Variants in TMEM255B observed in about 807,000 individuals in gnomAD.
The protein encoded by TMEM255B is transmembrane protein 255B.
TMEM255B carries 35 observed loss-of-function variants against 34.5 expected under a neutral mutation model. The ratio of observed to expected loss-of-function variants is 1.01; its 90% CI spans 0.77 to 1.34. The LOEUF (loss-of-function observed/expected upper bound fraction) is 1.34, where lower values mean the gene tolerates loss of function less well. TMEM255B is among the 40% of genes most tolerant of loss of function. The pLI, the probability that TMEM255B is intolerant of heterozygous loss-of-function variation, is 0.00. For missense variants in TMEM255B, 432 were observed against 433.2 expected, an observed-to-expected ratio of 1.00 and a Z score of 0.02; for synonymous variants, 206 against 201.2, an observed-to-expected ratio of 1.02 and a Z score of -0.20.
At position 113,794,051 on chromosome 13, in the gene TMEM255B, G is replaced by A. The variant is rs866933628; in HGVS notation, c.253-1097G>A. On this transcript the variant is annotated intron_variant, in intron 3 of 8. Coordinates refer to ENST00000375353, the MANE Select transcript of TMEM255B (RefSeq NM_182614.4). ...GGCTTCTCTTTGGGTTGCGGGTGAC[G>A]ATAGGTGTGCAGCCTGGGGCAGAGA... is the stretch of plus-strand genomic sequence containing the variant. Among the ~76,000 whole-genome samples the A allele has an allele frequency of 2.6e-5, 4 of 152,348 alleles. No individual in the cohort carries two copies. In the East Asian group the frequency reaches 7.7e-4, roughly 29 times the overall value.
At chr13:113,761,860 A>G (rs552408451) in intron 1 of TMEM255B, among the ~76,000 whole-genome samples, 6 of 152,250 alleles carry the variant, frequency 3.9e-5, no homozygotes, top group African/African-American at 1.4e-4. Context: ...AGCCCCGGGA[A>G]CCGGCGACAA....
chr13:113,773,641 C>T (rs944671974), intron 3 of TMEM255B, among the ~76,000 whole-genome samples: 9 of 152,232 alleles, frequency 5.9e-5, no homozygotes, highest in African/African-American at 2.2e-4. Context: ...AGGCATTCTT[C>T]TGGGCTGATG....
rs186303552 is a variant in TMEM255B at position 113,769,389 on chromosome 13, A to C, written c.252+229A>C. Among the ~76,000 whole-genome samples the C allele has an allele frequency of 6.6e-6, 1 of 152,164 alleles. No homozygotes were observed. The highest frequency in any genetic ancestry group is 1.5e-5 in the Non-Finnish European group (1 of 68,032). On this transcript the variant is annotated intron_variant, in intron 3 of 8. Coordinates refer to ENST00000375353, the MANE Select transcript of TMEM255B (RefSeq NM_182614.4). This position sits in a 1 kb window ranked among gnomAD's most constrained non-coding sequence, Gnocchi z 4.2. ...ATGGCCCTGGGTTGCTGGTGTATCA[A>C]CCTCACGTGGTGTGCAACCACCAAT... is the stretch of plus-strand genomic sequence containing the variant.
intron 1 of TMEM255B, among the ~76,000 whole-genome samples, chr13:113,761,010 G>A (rs757289597): frequency 6.6e-6 from 1 of 152,054 alleles, no homozygotes; most frequent in Non-Finnish European, 1.5e-5. Flanking sequence ...GGGGTACCTG[G>A]GGGTAGGATT....
In TMEM255B at chr13:113,759,274, A is replaced by C; in HGVS notation, c.5A>C (p.Gln2Pro). 8.1e-7 allele frequency: 1 copy of C among 1,228,670 alleles called. No homozygotes were observed. Among genetic ancestry groups the C allele is most frequent in the Non-Finnish European group, 1.0e-6 (1 of 986,008 alleles). 76.1% of individuals were successfully genotyped at this position (1,228,670 alleles called of 1,614,324 possible). A position where few individuals can be genotyped will look rare whatever the true frequency, so the allele number is the denominator to read the frequency against. The change falls in exon 1 of 9, where the codon CAG (glutamine) becomes CCG (proline). Residue 2 changes from glutamine to proline, a missense_variant. Physicochemically the swap from Gln to Pro is moderately conservative, Grantham distance 76. Coordinates refer to ENST00000375353, the MANE Select transcript of TMEM255B (RefSeq NM_182614.4). Reference protein sequence around the residue: MQPPVPGPLGLL... With the variant: MPPPVPGPLGLL... ...AGAGCCGGGTGGGGCCTCGGGATGC[A>C]GCCGCCGGTGCCCGGGCCCCTGGGC... is the stretch of plus-strand genomic sequence containing the variant.
chr13:113,777,799 G>A (rs1276732981), intron 3 of TMEM255B, among the ~76,000 whole-genome samples: 3 of 152,226 alleles, frequency 2.0e-5, no homozygotes, highest in African/African-American at 7.2e-5. Flanking sequence ...CAGCCTGGGC[G>A]GCCTCAGACA....
intron 3 of TMEM255B, among the ~76,000 whole-genome samples, chr13:113,794,361 C>T (rs372971562): frequency 1.3e-5 from 2 of 152,116 alleles, no homozygotes; most frequent in African/African-American, 2.4e-5. Context: ...GCCCGAGCCA[C>T]AGGCCCTCCC....
Position 113,806,476 on chromosome 13 carries a change from G to T in TMEM255B, c.813+1448G>T, listed in dbSNP as rs1337715297. Reference sequence around the variant, plus strand: ...ATACCTCAGTCTCCCCTCTCACTTCGAATATAAAGCTGGGGCCCTGCTCCC... The same window carrying T: ...ATACCTCAGTCTCCCCTCTCACTTCTAATATAAAGCTGGGGCCCTGCTCCC... On this transcript the variant is annotated intron_variant, in intron 8 of 8. Coordinates refer to ENST00000375353, the MANE Select transcript of TMEM255B (RefSeq NM_182614.4). This position sits in a 1 kb window ranked among gnomAD's most constrained non-coding sequence, Gnocchi z 4.2. 1.3e-5 allele frequency among the ~76,000 whole-genome samples: 2 copies of T among 152,124 alleles called. No individual in the cohort carries two copies. Among genetic ancestry groups the T allele is most frequent in the Non-Finnish European group, 2.9e-5 (2 of 67,994 alleles).
chr13:113,767,972 A>G (rs1472948988), intron 2 of TMEM255B, among the ~76,000 whole-genome samples: 1 of 152,244 alleles, frequency 6.6e-6, no homozygotes, highest in African/African-American at 2.4e-5. Flanking sequence ...TTATCCCTGG[A>G]GAATTCTCAA....
At chr13:113,778,925 T>G (rs2050624330) in intron 3 of TMEM255B, among the ~76,000 whole-genome samples, 1 of 152,154 alleles carries the variant, frequency 6.6e-6, no homozygotes. Flanking sequence ...GAAAAGCAGC[T>G]CAATAGTCAA....
intron 4 of TMEM255B, among the ~76,000 whole-genome samples, chr13:113,795,731 AAC>A (rs1224005776): frequency 1.3e-4 from 18 of 143,340 alleles, no homozygotes; most frequent in Non-Finnish European, 2.3e-4. Flanking sequence ...CACACCACAC[AAC>A]ACACAGAGCA....
At chr13:113,795,575 A>C (rs1404713911) in intron 4 of TMEM255B, among the ~76,000 whole-genome samples, 1 of 145,914 alleles carries the variant, frequency 6.9e-6, no homozygotes, top group African/African-American at 2.6e-5. Flanking sequence ...CAACACACAG[A>C]GCACACAGCA....
Position 113,770,033 on chromosome 13 carries a change from C to T in TMEM255B, c.252+873C>T, listed in dbSNP as rs2050452655. Reference sequence around the variant, plus strand: ...CGAGAGGGAGGGTGAGATGGCTGGGCCGCGGTGTATGCCCTCGGAACCCTG... The same window carrying T: ...CGAGAGGGAGGGTGAGATGGCTGGGTCGCGGTGTATGCCCTCGGAACCCTG... On this transcript the variant is annotated intron_variant, in intron 3 of 8. Transcript: ENST00000375353. The surrounding 1 kb of genome is among the most constrained non-coding windows in gnomAD (Gnocchi z 4.6). Among the ~76,000 whole-genome samples, 1 of 152,158 alleles carries T rather than the reference C, an allele frequency of 6.6e-6. No homozygotes were observed. Among genetic ancestry groups the T allele is most frequent in the Non-Finnish European group, 1.5e-5 (1 of 68,030 alleles).
intron 5 of TMEM255B, among the ~76,000 whole-genome samples, chr13:113,800,299 C>CTGTGTGTGTGTGTGTG (rs1491395254): frequency 1.3e-4 from 8 of 62,644 alleles, no homozygotes; most frequent in Non-Finnish European, 2.1e-4. Flanking sequence ...GGGAGGCGTC[C>CTGTGTGTGTGTGTGTG]TCTGTGTGTG....
In TMEM255B at chr13:113,770,472, G is replaced by C. The variant is rs1453751428; in HGVS notation, c.252+1312G>C. ...TGCCCAGGAGACTGACCCTTGGGCA[G>C]ATGGAGCCTGACCGTGTGAGGGTGG... On this transcript the variant is annotated intron_variant, in intron 3 of 8. Coordinates refer to ENST00000375353, the MANE Select transcript of TMEM255B (RefSeq NM_182614.4). The surrounding 1 kb of genome is among the most constrained non-coding windows in gnomAD (Gnocchi z 4.6). Among the ~76,000 whole-genome samples the C allele has an allele frequency of 6.6e-6, 1 of 152,206 alleles. No homozygotes were observed. The highest frequency in any genetic ancestry group is 1.5e-5 in the Non-Finnish European group (1 of 68,028).
intron 8 of TMEM255B, among the ~76,000 whole-genome samples, chr13:113,808,554 A>G (rs925155894): frequency 6.9e-6 from 1 of 144,048 alleles, no homozygotes; most frequent in Non-Finnish European, 1.5e-5. Flanking sequence ...TGGGGGGTTT[A>G]CTCCATGGTT....
Position 113,805,012 on chromosome 13 carries a change from A to C in TMEM255B, c.797A>C (p.Tyr266Ser). ...GAGCCCGTCCCGACCTGCTCGTCCT[A>C]CCCTCTGCCCCTTCAGGTAGGGCCA... is the stretch of plus-strand genomic sequence containing the variant. ...TPEPVPTCSS[Y>S]PLPLQPCSRF... The change falls in exon 8 of 9, where the codon TAC becomes TCC. Residue 266 changes from tyrosine (Y) to serine (S), a missense_variant. Physicochemically the swap from Tyr to Ser is moderately radical, Grantham distance 144. Transcript: ENST00000375353. 7 of 1,602,998 alleles carry C rather than the reference A, an allele frequency of 4.4e-6. No homozygotes were observed. The highest frequency in any genetic ancestry group is 5.1e-6 in the Non-Finnish European group (6 of 1,177,846).
chr13:113,803,116 C>T (rs2051097752), intron 7 of TMEM255B: 1 of 147,990 alleles, frequency 6.8e-6, no homozygotes, highest in Non-Finnish European at 1.5e-5. Flanking sequence ...GCCACACAGG[C>T]CCGGGGTGTC....
At chr13:113,776,120 G>T (rs576829760) in intron 3 of TMEM255B, among the ~76,000 whole-genome samples, 1 of 152,276 alleles carries the variant, frequency 6.6e-6, no homozygotes, top group Admixed American at 6.5e-5. Flanking sequence ...AGTTCAAAGA[G>T]GACCCTGTCC....
Sources: gnomAD v4.1 joint callset for allele counts (sites outside exome capture counted in the v4.1 genomes callset) on GRCh38, gnomAD v4.1.1 for gene constraint, Gnocchi (gnomAD v3.1) non-coding constraint, MANE v1.5 for transcripts, NCBI Gene and HGNC (gene_info 2026-07-23, HGNC 2026-07-21) for gene names.